Variants in PRAG1 observed in about 807,000 individuals in gnomAD.
The protein encoded by PRAG1 is PEAK1 related, kinase-activating pseudokinase 1.
In PRAG1, 110 loss-of-function variants were observed where a neutral mutation model predicts 95.6. The observed-to-expected ratio is 1.15, with a 90% confidence interval of 0.99 to 1.35. The LOEUF (loss-of-function observed/expected upper bound fraction) is 1.35, where lower values mean the gene tolerates loss of function less well. Ranked by LOEUF, PRAG1 falls within the 40% of genes most tolerant of loss-of-function variation. PRAG1 has a pLI of 0.00. For missense variants in PRAG1, 2,554 were observed against 1,864.7 expected, an observed-to-expected ratio of 1.37 and a Z score of -6.81; for synonymous variants, 1,052 against 819.4, an observed-to-expected ratio of 1.28 and a Z score of -4.85.
chr8:8,376,106 C>T (rs976722456), intron 3 of PRAG1, 141 bp downstream of exon 3: 2 of 1,179,720 alleles, frequency 1.7e-6, no homozygotes, highest in Non-Finnish European at 2.3e-6. Flanking sequence ...GCACTGGGAC[C>T]CTGGGAAATT....
intron 4 of PRAG1, among the ~76,000 whole-genome samples, chr8:8,336,472 A>C (rs1184393858): frequency 1.3e-5 from 2 of 152,178 alleles, no homozygotes; most frequent in African/African-American, 4.8e-5. Flanking sequence ...TGCTTCGACA[A>C]ATTTTCCTTG....
At chr8:8,356,673 C>A (rs1313231219) in intron 3 of PRAG1, among the ~76,000 whole-genome samples, 1 of 151,988 alleles carries the variant, frequency 6.6e-6, no homozygotes, top group African/African-American at 2.4e-5. Context: ...GCATTTTTTG[C>A]AGAAATAAAA....
At chr8:8,364,630 TAC>T (rs1277638717) in intron 3 of PRAG1, among the ~76,000 whole-genome samples, 1 of 152,186 alleles carries the variant, frequency 6.6e-6, no homozygotes, top group Non-Finnish European at 1.5e-5. Flanking sequence ...CACTTTTACA[TAC>T]ACTATATGAC....
intron 3 of PRAG1, among the ~76,000 whole-genome samples, chr8:8,361,009 T>C (rs1799827686): frequency 6.6e-6 from 1 of 152,190 alleles, no homozygotes; most frequent in Admixed American, 6.5e-5. Flanking sequence ...AAAGAGGATA[T>C]CCAGGATGGA....
intron 3 of PRAG1, among the ~76,000 whole-genome samples, chr8:8,351,119 G>A (rs1383751975): frequency 2.0e-5 from 3 of 152,194 alleles, no homozygotes; most frequent in Non-Finnish European, 2.9e-5. Flanking sequence ...TCCACAGGCT[G>A]TGCAGGAAGC....
Position 8,377,305 on chromosome 8 carries a change from G to C in PRAG1, c.1104C>G (p.Leu368=). 1 of 1,612,700 alleles carries C rather than the reference G, an allele frequency of 6.2e-7. No homozygotes were observed. Among genetic ancestry groups the C allele is most frequent in the Non-Finnish European group, 8.5e-7 (1 of 1,179,914 alleles). ...VPHLESDYCS[L]MKEPAPEKQQ... Reference sequence around the variant, plus strand: ...GCTTCTCTGGGGCAGGTTCCTTCATGAGGGAGCAGTAATCACTCTCGAGGT... The same window carrying C: ...GCTTCTCTGGGGCAGGTTCCTTCATCAGGGAGCAGTAATCACTCTCGAGGT... The change falls in exon 3 of 6, where the codon CTC becomes CTG. Residue 368 remains leucine, a synonymous_variant. Transcript: ENST00000615670.
chr8:8,380,262 G>C lies in PRAG1; in HGVS notation c.330+1156C>G, dbSNP rs557700920. Among the ~76,000 whole-genome samples, 5 of 151,548 alleles carry C rather than the reference G, an allele frequency of 3.3e-5. No homozygotes were observed. The South Asian group carries it at 6.3e-4, about 19-fold the overall frequency. On this transcript the variant is annotated intron_variant, in intron 2 of 5. Coordinates refer to ENST00000615670, the MANE Select transcript of PRAG1 (RefSeq NM_001080826.3). The stretch of plus-strand genomic sequence containing the variant: ...TGCACTCCAGCCTGAGCAACACTGA[G>C]ACTGTCTCAAAAAAAAATAAATAAA...
Position 8,328,276 on chromosome 8 carries a change from C to A in PRAG1, c.2506G>T (p.Gly836Cys), listed in dbSNP as rs751544456. The A allele has an allele frequency of 6.2e-7, 1 of 1,614,026 alleles. No homozygotes were observed. Among genetic ancestry groups the A allele is most frequent in the Non-Finnish European group, 8.5e-7 (1 of 1,179,982 alleles). ...SSPDGFFWTQ[G>C]SPKPGTASPK... Reference sequence around the variant, plus strand: ...CTTGCTGTTCCGGGCTTGGGGGAGCCTTGGGTCCAGAAGAAGCCATCCGGT... The same window carrying A: ...CTTGCTGTTCCGGGCTTGGGGGAGCATTGGGTCCAGAAGAAGCCATCCGGT... Residue 836 changes from glycine to cysteine, a missense_variant, in exon 5 of 6, where the codon GGC becomes TGC. Coordinates refer to ENST00000615670, the MANE Select transcript of PRAG1 (RefSeq NM_001080826.3).
chr8:8,351,952 G>A (rs546411778), intron 3 of PRAG1, among the ~76,000 whole-genome samples: 3 of 152,146 alleles, frequency 2.0e-5, no homozygotes, highest in East Asian at 1.9e-4. Flanking sequence ...GGGCTTGATC[G>A]AATCCTATTG....
At chr8:8,321,048 G>A (rs1032289598) in intron 5 of PRAG1, among the ~76,000 whole-genome samples, 3 of 152,182 alleles carry the variant, frequency 2.0e-5, no homozygotes, top group African/African-American at 7.2e-5. Context: ...TGAAATACAT[G>A]CCTAAAAGGC....
At chr8:8,335,796 T>C (rs932079090) in intron 4 of PRAG1, among the ~76,000 whole-genome samples, 24 of 152,204 alleles carry the variant, frequency 1.6e-4, no homozygotes, top group African/African-American at 7.2e-5. Flanking sequence ...ATCTTTCTTA[T>C]TGTCTATCTC....
intron 3 of PRAG1, among the ~76,000 whole-genome samples, chr8:8,361,779 G>C (rs1404199056): frequency 1.3e-5 from 2 of 152,184 alleles, no homozygotes; most frequent in Non-Finnish European, 2.9e-5. Flanking sequence ...ACAACTGCTG[G>C]CTGGAGGATT....
At chr8:8,332,793 A>C (rs750629991) in intron 4 of PRAG1, among the ~76,000 whole-genome samples, 2 of 152,132 alleles carry the variant, frequency 1.3e-5, no homozygotes, top group Non-Finnish European at 2.9e-5. Context: ...TGGAATCTAA[A>C]GGCACTCCTA....
intron 3 of PRAG1, among the ~76,000 whole-genome samples, chr8:8,347,942 C>CTACAACCT (rs1410619555): frequency 4.0e-5 from 6 of 151,692 alleles, no homozygotes; most frequent in Non-Finnish European, 5.9e-5. Flanking sequence ...TCTCAGCTCA[C>CTACAACCT]TACAACCTCT....
intron 3 of PRAG1, among the ~76,000 whole-genome samples, chr8:8,368,887 AAG>A (rs1800100636): frequency 6.6e-6 from 1 of 151,962 alleles, no homozygotes; most frequent in Non-Finnish European, 1.5e-5. Flanking sequence ...TTATTTTGGC[AAG>A]AGAGTGCTGG....
At chr8:8,337,550 C>T (rs775476243) in intron 4 of PRAG1, among the ~76,000 whole-genome samples, 2 of 151,976 alleles carry the variant, frequency 1.3e-5, no homozygotes, top group Admixed American at 6.6e-5. Flanking sequence ...AACATGGTTC[C>T]GGGTACAGAG....
Position 8,327,827 on chromosome 8 carries a change from A to G in PRAG1, c.2955T>C (p.Asn985=). 6 of 1,614,158 alleles carry G rather than the reference A, an allele frequency of 3.7e-6. No individual in the cohort carries two copies. Among genetic ancestry groups the G allele is most frequent in the Non-Finnish European group, 5.1e-6 (6 of 1,179,998 alleles). The change falls in exon 5 of 6, where the codon AAT becomes AAC. Residue 985 remains asparagine (N), a synonymous_variant. Transcript: ENST00000615670. ...GCTTGAAGAGCGACCAGTTATTCTC[A>G]TTGAAGTGGAGCTCCTTTTTCTGGC... ...MGGQKKELHF[N]ENNWSLFKLT...
At chr8:8,357,480 C>G (rs2102867) in intron 3 of PRAG1, among the ~76,000 whole-genome samples, 23,301 of 152,136 alleles carry the variant, frequency 0.15, 2,327 homozygotes, top group African/African-American at 0.27. Context: ...AAATCAAAAG[C>G]ACAATGAGAC....
chr8:8,368,184 G>C (rs1009672676), intron 3 of PRAG1, among the ~76,000 whole-genome samples: 16 of 152,180 alleles, frequency 1.1e-4, no homozygotes, highest in Non-Finnish European at 2.2e-4. Context: ...ATACTGGAGA[G>C]AAAATATCTG....
Sources: gnomAD v4.1 joint callset for allele counts (sites outside exome capture counted in the v4.1 genomes callset) on GRCh38, gnomAD v4.1.1 for gene constraint, MANE v1.5 for transcripts, NCBI Gene and HGNC (gene_info 2026-07-23, HGNC 2026-07-21) for gene names.